DNM3: variants seen among roughly 807,000 people sequenced by gnomAD.
DNM3 encodes the protein dynamin-3.
DNM3 carries 47 observed loss-of-function variants against 101.6 expected under a neutral mutation model. The ratio of observed to expected loss-of-function variants is 0.46; its 90% CI spans 0.37 to 0.59. The LOEUF (loss-of-function observed/expected upper bound fraction) is 0.59, where lower values mean the gene tolerates loss of function less well. Ranked by LOEUF, DNM3 falls within the 20% of genes least tolerant of loss-of-function variation. The pLI, the probability that DNM3 is intolerant of heterozygous loss-of-function variation, is 0.00. For synonymous variants in DNM3, 385 were observed against 387.9 expected, an observed-to-expected ratio of 0.99 and a Z score of 0.09; for missense variants, 849 against 1,085.7, an observed-to-expected ratio of 0.78 and a Z score of 3.06.
At chr1:172,375,603 A>C (rs756180091) in intron 17 of DNM3, among the ~76,000 whole-genome samples, 12 of 152,106 alleles carry the variant, frequency 7.9e-5, no homozygotes, top group Admixed American at 1.3e-4. Context: ...GGGAAAAGAC[A>C]AAAACAAAAC....
intron 1 of DNM3, among the ~76,000 whole-genome samples, chr1:171,920,085 A>T (rs1470093196): frequency 1.3e-5 from 2 of 152,248 alleles, no homozygotes; most frequent in Non-Finnish European, 2.9e-5. Context: ...AAAAGTCATT[A>T]ACTTAAGGTT....
chr1:172,069,380 C>G (rs1422580354), intron 11 of DNM3, among the ~76,000 whole-genome samples: 3 of 152,072 alleles, frequency 2.0e-5, no homozygotes, highest in African/African-American at 7.2e-5. Context: ...AGATTTTCAT[C>G]AGCTTATCCA....
chr1:172,150,371 C>G (rs1237668802), intron 14 of DNM3, among the ~76,000 whole-genome samples: 17 of 152,094 alleles, frequency 1.1e-4, no homozygotes, highest in Admixed American at 1.0e-3. Flanking sequence ...TAGTATTAAT[C>G]AACTAAAAAT....
rs139023758 is a variant in DNM3 at position 172,395,998 on chromosome 1, C to T, written c.2522+7189C>T. On this transcript the variant is annotated intron_variant, in intron 20 of 20. Coordinates refer to ENST00000627582, the MANE Select transcript of DNM3 (RefSeq NM_015569.5). ...AACTCTGACCAAGAAAGAATTCCTA[C>T]ACAAGGCAAGAAGTCTAAAGCCGCT... Among the ~76,000 whole-genome samples the T allele has an allele frequency of 1.3e-3, 195 of 152,348 alleles. 1 individual carries two copies. Among genetic ancestry groups the T allele is most frequent in the African/African-American group, 4.3e-3 (177 of 41,580 alleles).
At chr1:172,097,183 C>G (rs942604207) in intron 13 of DNM3, among the ~76,000 whole-genome samples, 3 of 151,912 alleles carry the variant, frequency 2.0e-5, no homozygotes, top group African/African-American at 7.3e-5. Context: ...GGGTGGATCA[C>G]AAGGTCAAGA....
intron 4 of DNM3, among the ~76,000 whole-genome samples, chr1:172,010,935 T>C (rs2047085348): frequency 6.6e-6 from 1 of 151,802 alleles, no homozygotes; most frequent in African/African-American, 2.4e-5. Flanking sequence ...TGACGAGAGG[T>C]CATACTTTCC....
At chr1:172,364,885 C>T (rs2067927968) in intron 17 of DNM3, among the ~76,000 whole-genome samples, 1 of 151,912 alleles carries the variant, frequency 6.6e-6, no homozygotes, top group Non-Finnish European at 1.5e-5. Context: ...CCCCCTTCAC[C>T]TTCCACCATG....
At chr1:172,247,360 A>G (rs2061992758) in intron 14 of DNM3, among the ~76,000 whole-genome samples, 1 of 152,166 alleles carries the variant, frequency 6.6e-6, no homozygotes. Flanking sequence ...TTATATGAGT[A>G]TAAGAAGGGG....
intron 1 of DNM3, among the ~76,000 whole-genome samples, chr1:171,883,041 A>G (rs2036425057): frequency 6.6e-6 from 1 of 151,606 alleles, no homozygotes. Flanking sequence ...AAAATATGGG[A>G]TTATTCTGTA....
intron 20 of DNM3, chr1:172,418,182 A>G: frequency 1.0e-6 from 1 of 977,354 alleles, no homozygotes; most frequent in Non-Finnish European, 1.4e-6. Context: ...TTTGCATGCT[A>G]TTATTTGGGT....
chr1:172,140,895 C>CT (rs2057542490), intron 14 of DNM3, among the ~76,000 whole-genome samples: 1 of 151,870 alleles, frequency 6.6e-6, no homozygotes, highest in Non-Finnish European at 1.5e-5. Context: ...CCATATTGAC[C>CT]TTTTTTTAAT....
chr1:172,391,506 C>CA (rs1249344078), intron 20 of DNM3, among the ~76,000 whole-genome samples: 4 of 151,744 alleles, frequency 2.6e-5, no homozygotes, highest in Middle Eastern at 3.4e-3. Context: ...TTTAAGATTT[C>CA]AAAAAAAGAA....
At chr1:171,985,140 T>C (rs922838916) in intron 2 of DNM3, among the ~76,000 whole-genome samples, 6 of 152,218 alleles carry the variant, frequency 3.9e-5, no homozygotes, top group Admixed American at 1.3e-4. Context: ...ATGTAGTTCC[T>C]GATCCAGAAG....
intron 15 of DNM3, among the ~76,000 whole-genome samples, chr1:172,293,669 T>G (rs1288912249): frequency 6.6e-6 from 1 of 152,118 alleles, no homozygotes; most frequent in East Asian, 1.9e-4. Flanking sequence ...CCAACTCTCC[T>G]TGGATGTCTA....
intron 13 of DNM3, among the ~76,000 whole-genome samples, chr1:172,095,855 C>CA (rs1216522552): frequency 2.0e-5 from 3 of 152,126 alleles, no homozygotes; most frequent in Admixed American, 6.6e-5. Flanking sequence ...AGCAAATGTA[C>CA]AAAAAAATGT....
intron 2 of DNM3, among the ~76,000 whole-genome samples, chr1:171,958,356 GTA>G (rs1558327262): frequency 1.3e-5 from 2 of 152,184 alleles, no homozygotes; most frequent in Admixed American, 1.3e-4. Flanking sequence ...TGATGTGTGT[GTA>G]TGTGTTTGTA....
chr1:172,189,487 A>G lies in DNM3; in HGVS notation c.1659+58199A>G, dbSNP rs567502470. ...TAATTGAGTCTCCCTATTCATGAAC[A>G]TGGAATTTCCCACCATTTATTGAGG... On this transcript the variant is annotated intron_variant, in intron 14 of 20. Transcript: ENST00000627582. Among the ~76,000 whole-genome samples the G allele has an allele frequency of 1.1e-3, 164 of 152,242 alleles. 1 individual carries two copies. Among genetic ancestry groups the G allele is most frequent in the South Asian group, 3.3e-3 (16 of 4,832 alleles).
chr1:171,845,289 T>C (rs979252295), intron 1 of DNM3, among the ~76,000 whole-genome samples: 6 of 152,314 alleles, frequency 3.9e-5, no homozygotes, highest in Admixed American at 3.3e-4. Flanking sequence ...GTACTCATGC[T>C]TATAACCCCA....
At chr1:171,867,831 A>T (rs1331011828) in intron 1 of DNM3, among the ~76,000 whole-genome samples, 2 of 152,204 alleles carry the variant, frequency 1.3e-5, no homozygotes, top group African/African-American at 4.8e-5. Context: ...ACCATAACCC[A>T]CCATATTTTA....
Sources: allele counts gnomAD v4.1 joint callset (sites outside exome capture counted in the v4.1 genomes callset), GRCh38; gene constraint gnomAD v4.1.1; transcripts MANE v1.5; gene names NCBI Gene and HGNC (gene_info 2026-07-23, HGNC 2026-07-21).